Variants in PARVB observed in about 807,000 individuals in gnomAD.
PARVB encodes the protein parvin beta.
Under a neutral mutation model 47.0 loss-of-function variants are expected in PARVB, and 46 were observed. The observed-to-expected ratio is 0.98, with a 90% CI of 0.77 to 1.25. The LOEUF (loss-of-function observed/expected upper bound fraction) is 1.25, where lower values mean the gene tolerates loss of function less well. Among genes scored for constraint, PARVB ranks in the 50% most tolerant of loss-of-function variants. PARVB has a pLI of 0.00. For missense variants in PARVB, 473 were observed against 471.6 expected (o/e 1.00, Z -0.03); for synonymous variants, 196 against 196.3 (o/e 1.00, Z 0.01).
chr22:43,999,630 A>C, exon 2 of PARVB: 1 of 1,613,824 alleles, frequency 6.2e-7, no homozygotes, highest in Middle Eastern at 1.6e-4. Flanking sequence ...TCCCTGGCTC[A>C]GACAGATCAG....
chr22:44,024,684 G>T, intron 1 of PARVB, among the ~76,000 whole-genome samples: 1 of 152,066 alleles, frequency 6.6e-6, no homozygotes, highest in Non-Finnish European at 1.5e-5. Flanking sequence ...GCGCGTGCGG[G>T]CGCCTGCGCG....
In PARVB at chr22:44,074,008, G is replaced by A. The variant is rs543492526; in HGVS notation, c.113-19920G>A. 1.4e-3 allele frequency among the ~76,000 whole-genome samples: 211 copies of A among 152,380 alleles called. 2 individuals are homozygous for A. The highest frequency in any genetic ancestry group is 7.7e-4 in the East Asian group (4 of 5,184). On this transcript the variant is annotated intron_variant, in intron 1 of 12. Coordinates refer to ENST00000338758, the MANE Select transcript of PARVB (RefSeq NM_013327.5). ...CCCGCCGTGGGGCAGGCTGCTGGCT[G>A]GGCTCTGAGGATGCTGACGAGGACC...
chr22:44,007,269 G>T (rs1284400150), intron 2 of PARVB, among the ~76,000 whole-genome samples: 1 of 152,078 alleles, frequency 6.6e-6, no homozygotes, highest in Admixed American at 6.5e-5. Flanking sequence ...CCGCCTATGG[G>T]AGGAAGGTGG....
At chr22:44,055,781 A>C (rs954237553) in intron 1 of PARVB, among the ~76,000 whole-genome samples, 1 of 152,130 alleles carries the variant, frequency 6.6e-6, no homozygotes, top group Non-Finnish European at 1.5e-5. Context: ...CAGGAGGGCC[A>C]ATGGCGTCAG....
At chr22:44,133,408 G>T (rs2053373290) in intron 6 of PARVB, among the ~76,000 whole-genome samples, 1 of 152,152 alleles carries the variant, frequency 6.6e-6, no homozygotes, top group Non-Finnish European at 1.5e-5. Context: ...TATTCATCAT[G>T]CCCCATCATC....
At chr22:44,134,222 G>A (rs1170584684) in intron 6 of PARVB, among the ~76,000 whole-genome samples, 2 of 152,202 alleles carry the variant, frequency 1.3e-5, no homozygotes, top group South Asian at 2.1e-4. Context: ...TCTGGCATCC[G>A]GCAAGGGCCA....
chr22:44,120,859 T>A (rs892631874), intron 4 of PARVB, among the ~76,000 whole-genome samples: 25 of 151,714 alleles, frequency 1.6e-4, no homozygotes, highest in African/African-American at 5.8e-4. Context: ...TTTTTCTTTT[T>A]TTGAAATGGA....
At chr22:44,099,584 A>C (rs866283948) in intron 2 of PARVB, among the ~76,000 whole-genome samples, 1 of 152,210 alleles carries the variant, frequency 6.6e-6, no homozygotes, top group East Asian at 1.9e-4. Flanking sequence ...TTTACATACA[A>C]CATTGCATAT....
chr22:44,164,277 T>A (rs911180617), intron 12 of PARVB, among the ~76,000 whole-genome samples: 10 of 152,218 alleles, frequency 6.6e-5, no homozygotes, highest in African/African-American at 2.4e-4. Context: ...TCAACTGTAA[T>A]GACTGTTGGG....
chr22:44,118,320 G>A lies in PARVB; in HGVS notation c.274-718G>A, dbSNP rs533413820. Reference sequence around the variant, plus strand: ...CACACATGAAAGGGCAGACATCATCGGCTCCTATTAATATGAAATGTCCAG... The same window carrying A: ...CACACATGAAAGGGCAGACATCATCAGCTCCTATTAATATGAAATGTCCAG... On this transcript the variant is annotated intron_variant, in intron 3 of 12. Transcript: ENST00000338758. Among the ~76,000 whole-genome samples the A allele has an allele frequency of 7.9e-5, 12 of 152,288 alleles. No homozygotes were observed. The South Asian group carries it at 2.3e-3, about 29-fold the overall frequency.
intron 1 of PARVB, among the ~76,000 whole-genome samples, chr22:44,073,524 C>T (rs1024464878): frequency 1.3e-5 from 2 of 152,230 alleles, no homozygotes; most frequent in Non-Finnish European, 2.9e-5. Flanking sequence ...TACGACCATA[C>T]CTGCTTTTCC....
intron 3 of PARVB, chr22:44,115,406 A>G (rs541929799): frequency 1.7e-5 from 2 of 116,218 alleles, no homozygotes; most frequent in South Asian, 6.7e-4. Context: ...ACACAGATAC[A>G]TTGTTATTAA....
At chr22:44,043,880 T>C (rs2051066308) in intron 1 of PARVB, among the ~76,000 whole-genome samples, 1 of 152,196 alleles carries the variant, frequency 6.6e-6, no homozygotes, top group Admixed American at 6.5e-5. Flanking sequence ...CATGGAATTT[T>C]CAGTCTTCCT....
rs11539650 is a variant in PARVB at position 44,100,103 on chromosome 22, A to G, written c.253A>G (p.Lys85Glu). Reference protein sequence around the residue: ...MIDPTSKEDPKFKELVKVLLD... With the variant: ...MIDPTSKEDPEFKELVKVLLD... The stretch of plus-strand genomic sequence containing the variant: ...TGACCCCACTTCCAAGGAAGACCCC[A>G]AGTTCAAGGAACTGGTCAAGGTAAG... The change falls in exon 3 of 13, where the codon AAG (lysine) becomes GAG (glutamate). Residue 85 changes from lysine to glutamate, a missense_variant. Physicochemically the swap from Lys to Glu is moderately conservative, Grantham distance 56. Transcript: ENST00000338758. 2,531 of 1,613,722 alleles carry G rather than the reference A, an allele frequency of 1.6e-3. 104 individuals carry two copies. The East Asian group carries it at 0.033, about 21-fold the overall frequency.
chr22:44,040,006 C>G, intron 1 of PARVB: 1 of 344,726 alleles, frequency 2.9e-6, no homozygotes, highest in South Asian at 2.1e-5. Flanking sequence ...TGTTCTACAG[C>G]AGACAGAGCT....
At chr22:44,012,674 T>C (rs952610351) in intron 2 of PARVB, among the ~76,000 whole-genome samples, 7 of 152,120 alleles carry the variant, frequency 4.6e-5, no homozygotes, top group African/African-American at 1.7e-4. Flanking sequence ...CCATCACTTC[T>C]CTACACACTT....
chr22:44,011,798 C>G (rs757034509), intron 2 of PARVB, among the ~76,000 whole-genome samples: 1 of 152,056 alleles, frequency 6.6e-6, no homozygotes. Flanking sequence ...CAAGTTCCCT[C>G]CCACAAAGCC....
rs1025891091 is a variant in PARVB, at chr22:44,155,289, G to A, written c.844-2693G>A. Among the ~76,000 whole-genome samples the A allele has an allele frequency of 3.3e-5, 5 of 152,130 alleles. No homozygotes were observed. The highest frequency in any genetic ancestry group is 2.1e-4 in the South Asian group (1 of 4,830). ...AGGGCTCGGCAGGGGTTAGCACTGC[G>A]GATGAGGAGGCGGTGGTGGGGCCTC... On this transcript the variant is annotated intron_variant, in intron 10 of 12. Transcript: ENST00000338758. This position sits in a 1 kb window ranked among gnomAD's most constrained non-coding sequence, Gnocchi z 4.8.
rs1022385273 is a variant in PARVB at position 44,170,205 on chromosome 22, T to C, written c.*1527T>C. ...TTGTAGAGATGGGGTTTCACCATGT[T>C]GCCCAGGCTGTTCTCAAACCCCTGG... On this transcript the variant is annotated 3_prime_UTR_variant, in exon 13 of 13. Coordinates refer to ENST00000338758, the MANE Select transcript of PARVB (RefSeq NM_013327.5). 6.6e-6 allele frequency: 1 copy of C among 151,822 alleles called. No homozygotes were observed. The highest frequency in any genetic ancestry group is 2.4e-5 in the African/African-American group (1 of 41,306). The allele number at this position is 151,822 out of a possible 1,614,324, so 9.4% of individuals were successfully genotyped here. A position where few individuals can be genotyped will look rare whatever the true frequency, so the allele number is the denominator to read the frequency against.
Sources: allele counts gnomAD v4.1 joint callset (sites outside exome capture counted in the v4.1 genomes callset), GRCh38; gene constraint gnomAD v4.1.1; non-coding constraint Gnocchi (gnomAD v3.1); transcripts MANE v1.5; gene names NCBI Gene and HGNC (gene_info 2026-07-23, HGNC 2026-07-21).